The following TERF1 variants were observed in gnomAD, a reference collection of about 807,000 sequenced individuals.
TERF1 encodes the protein telomeric repeat-binding factor 1.
A neutral mutation model predicts 55.1 loss-of-function variants in TERF1; 20 were observed. The ratio of observed to expected loss-of-function variants is 0.36; its 90% confidence interval spans 0.26 to 0.53. The LOEUF (loss-of-function observed/expected upper bound fraction) is 0.53. Ranked by LOEUF, TERF1 falls within the 20% of genes least tolerant of loss-of-function variation. TERF1 has a pLI of 0.91. For synonymous variants in TERF1, 168 were observed against 181.2 expected (o/e 0.93, Z 0.59); for missense variants, 439 against 535.7 (o/e 0.82, Z 1.78).
intron 9 of TERF1, among the ~76,000 whole-genome samples, chr8:73,040,881 C>T (rs1421487526): frequency 6.6e-6 from 1 of 152,076 alleles, no homozygotes; most frequent in Non-Finnish European, 1.5e-5. Flanking sequence ...GTTTAATCTG[C>T]TTATGAGCCC....
intron 8 of TERF1, 60 bp downstream of exon 8, chr8:73,032,193 C>A: frequency 1.6e-6 from 2 of 1,246,528 alleles, no homozygotes; most frequent in Non-Finnish European, 2.3e-6. Context: ...AACAATCCAG[C>A]CATTGACTTT....
intron 8 of TERF1, among the ~76,000 whole-genome samples, chr8:73,032,833 A>T (rs1318725026): frequency 6.6e-6 from 1 of 150,872 alleles, no homozygotes; most frequent in African/African-American, 2.4e-5. Context: ...ATGTTTATTG[A>T]CCCCACAGTA....
At chr8:73,018,854 T>TC in intron 2 of TERF1, 1 of 152,138 alleles carries the variant, frequency 6.6e-6, no homozygotes. Context: ...TTTTTTGTCT[T>TC]CAAGACACTG....
intron 9 of TERF1, among the ~76,000 whole-genome samples, chr8:73,042,154 CA>C (rs1263012943): frequency 1.3e-5 from 2 of 152,198 alleles, no homozygotes; most frequent in East Asian, 3.9e-4. Flanking sequence ...GATTGGAAAC[CA>C]GAAGTCTCTG....
chr8:73,023,275 G>A (rs927670863), intron 4 of TERF1, among the ~76,000 whole-genome samples: 1 of 152,208 alleles, frequency 6.6e-6, no homozygotes, highest in Non-Finnish European at 1.5e-5. Flanking sequence ...AAGAATTCTA[G>A]TTGCTCCACA....
intron 2 of TERF1, among the ~76,000 whole-genome samples, chr8:73,018,314 A>G (rs1268398238): frequency 6.6e-6 from 1 of 152,238 alleles, no homozygotes; most frequent in Non-Finnish European, 1.5e-5. Flanking sequence ...AAAATATTTG[A>G]AACTACGAAT....
Position 73,045,961 on chromosome 8 carries a change from G to T in TERF1, c.1144G>T (p.Ala382Ser). The T allele has an allele frequency of 6.5e-7, 1 of 1,546,140 alleles. No homozygotes were observed. The highest frequency in any genetic ancestry group is 1.3e-5 in the South Asian group (1 of 79,740). ...TAACTGTTTTACTTTTTATCAAAAG[G>T]CATGGCTTTGGGAAGAAGACAAGAA... ...PEKHRARKRQ[A>S]WLWEEDKNLR... is the part of the protein sequence containing the mutation. Residue 382 changes from alanine to serine, a missense_variant and splice_region_variant, in exon 10 of 10, where the codon GCA becomes TCA. Around this residue, in one of 4 missense-constraint regions of TERF1, gnomAD observed 140 missense variants for 158.6 expected, o/e 0.88. Coordinates refer to ENST00000276603, the MANE Select transcript of TERF1 (RefSeq NM_017489.3).
chr8:73,014,879 A>G lies in TERF1; in HGVS notation c.415+889A>G, dbSNP rs895171513. 2.0e-5 allele frequency among the ~76,000 whole-genome samples: 3 copies of G among 152,190 alleles called. 1 individual carries two copies. The highest frequency in any genetic ancestry group is 7.2e-5 in the African/African-American group (3 of 41,444). Reference sequence around the variant, plus strand: ...ACCATAAATGGATAGAACTAGATAGAGGCAGAATAGTTGTGAAAGAGACAG... The same window carrying G: ...ACCATAAATGGATAGAACTAGATAGGGGCAGAATAGTTGTGAAAGAGACAG... On this transcript the variant is annotated intron_variant, in intron 2 of 9. Transcript: ENST00000276603.
In TERF1 at chr8:73,027,053, G is replaced by T; in HGVS notation, c.887+1G>T. On this transcript the variant is annotated splice_donor_variant, in intron 6 of 9. Coordinates refer to ENST00000276603, the MANE Select transcript of TERF1 (RefSeq NM_017489.3). LOFTEE classifies it high-confidence loss of function. ...AAGCTAATTTGGATACAAGAAAAAG[G>T]TTTGTAATTTAATCAATTTGTATAT... 1.9e-6 allele frequency: 3 copies of T among 1,597,744 alleles called. No individual in the cohort carries two copies. Among genetic ancestry groups the T allele is most frequent in the South Asian group, 1.1e-5 (1 of 89,394 alleles).
chr8:73,044,748 T>A (rs1246428006), intron 9 of TERF1, among the ~76,000 whole-genome samples: 2 of 152,146 alleles, frequency 1.3e-5, no homozygotes, highest in Non-Finnish European at 2.9e-5. Context: ...CTACTTTCTG[T>A]TTATGAGTTG....
At chr8:73,029,690 A>G (rs1415529460) in intron 6 of TERF1, among the ~76,000 whole-genome samples, 1 of 152,228 alleles carries the variant, frequency 6.6e-6, no homozygotes, top group East Asian at 1.9e-4. Context: ...TACTTAAAAT[A>G]TCTAACACAG....
chr8:73,039,079 T>C, intron 8 of TERF1, 37 bp from the exon 9 acceptor site: 1 of 1,309,606 alleles, frequency 7.6e-7, no homozygotes. Flanking sequence ...TTCTTTAATG[T>C]AAATCAATAT....
chr8:73,021,459 A>G lies in TERF1; in HGVS notation c.537+654A>G, dbSNP rs536747733. Among the ~76,000 whole-genome samples the G allele has an allele frequency of 2.0e-5, 3 of 152,316 alleles. No individual in the cohort carries two copies. In the East Asian group the frequency reaches 5.8e-4, roughly 29 times the overall value. ...TGTTATTGCAATCTTTTAGGCTGCT[A>G]GAGAAAGCAAGTCTTTCTTAATACA... is the stretch of plus-strand genomic sequence containing the variant. On this transcript the variant is annotated intron_variant, in intron 3 of 9. Coordinates refer to ENST00000276603, the MANE Select transcript of TERF1 (RefSeq NM_017489.3).
chr8:73,015,312 C>CTTT (rs5892387), intron 2 of TERF1, among the ~76,000 whole-genome samples: 3 of 131,708 alleles, frequency 2.3e-5, no homozygotes, highest in African/African-American at 5.6e-5. Flanking sequence ...AACCCTTTTG[C>CTTT]TTTTTTTTTT....
At chr8:73,020,613 A>T in intron 2 of TERF1, 71 bp from the exon 3 acceptor site, 1 of 1,337,016 alleles carries the variant, frequency 7.5e-7, no homozygotes, top group Non-Finnish European at 1.0e-6. Flanking sequence ...ATTTAAAGGA[A>T]TGCATTATTA....
In TERF1 at chr8:73,045,915, T is replaced by C. The variant is rs35276863; in HGVS notation, c.1144-46T>C. ...GGCATTTATAGTAGGTATTTTCTTT[T>C]TGAATAATTGTTTCTGTAAATAACT... On this transcript the variant is annotated intron_variant, in intron 9 of 9. Coordinates refer to ENST00000276603, the MANE Select transcript of TERF1 (RefSeq NM_017489.3). The C allele has an allele frequency of 7.6e-3, 10,778 of 1,409,848 alleles. 676 individuals carry two copies. In the African/African-American group the frequency reaches 0.14, roughly 18 times the overall value. The allele number at this position is 1,409,848 out of a possible 1,614,324, so 87.3% of individuals were successfully genotyped here.
intron 4 of TERF1, among the ~76,000 whole-genome samples, chr8:73,023,292 G>T (rs1235335928): frequency 6.6e-6 from 1 of 152,198 alleles, no homozygotes; most frequent in Admixed American, 6.5e-5. Context: ...CACACACCTT[G>T]TATCTGGGTT....
At chr8:73,013,863 T>C (rs1258852696) in intron 1 of TERF1, 32 bp from the exon 2 acceptor site, 1 of 1,466,108 alleles carries the variant, frequency 6.8e-7, no homozygotes, top group East Asian at 2.3e-5. Flanking sequence ...TCAAGTTTGA[T>C]TTTAATAAAA....
At position 73,028,772 on chromosome 8, in the gene TERF1, C is replaced by T. The variant is rs146626251; in HGVS notation, c.888-1564C>T. On this transcript the variant is annotated intron_variant, in intron 6 of 9. Coordinates refer to ENST00000276603, the MANE Select transcript of TERF1 (RefSeq NM_017489.3). ...ATCACCTATATGAAGTCTTGCCCAG[C>T]TCTGTAATCAGAGTTGTTACTTCTG... 2.9e-3 allele frequency among the ~76,000 whole-genome samples: 443 copies of T among 152,176 alleles called. 1 individual carries two copies. Among genetic ancestry groups the T allele is most frequent in the African/African-American group, 0.01 (424 of 41,516 alleles).
Sources: allele counts gnomAD v4.1 joint callset (sites outside exome capture counted in the v4.1 genomes callset), GRCh38; gene constraint gnomAD v4.1.1; regional missense constraint gnomAD v4.1.1; transcripts MANE v1.5; gene names NCBI Gene and HGNC (gene_info 2026-07-23, HGNC 2026-07-21).